Variants in MPPED2 observed in about 807,000 individuals in gnomAD.
MPPED2 encodes metallophosphoesterase MPPED2.
Under a neutral mutation model 33.0 loss-of-function variants are expected in MPPED2, and 5 were observed. The observed-to-expected ratio is 0.15, with a 90% CI of 0.08 to 0.32. The LOEUF (loss-of-function observed/expected upper bound fraction) is 0.32, where lower values mean the gene tolerates loss of function less well. MPPED2 is among the 10% of genes least tolerant of loss of function. The pLI is 1.00. For missense variants in MPPED2, 275 were observed against 372.1 expected (o/e 0.74, Z 2.15); for synonymous variants, 136 against 141.9 (o/e 0.96, Z 0.29).
At chr11:30,509,301 A>G (rs1227660865) in intron 3 of MPPED2, among the ~76,000 whole-genome samples, 1 of 152,256 alleles carries the variant, frequency 6.6e-6, no homozygotes, top group African/African-American at 2.4e-5. Flanking sequence ...TGAACTATAT[A>G]CATGACACAA....
At position 30,411,649 on chromosome 11, in the gene MPPED2, C is replaced by T. The variant is rs528557692; in HGVS notation, c.767-63G>A. 56 of 1,436,974 alleles carry T rather than the reference C, an allele frequency of 3.9e-5. No individual in the cohort carries two copies. In the East Asian group the frequency reaches 9.9e-4, roughly 25 times the overall value. 89.0% of individuals were successfully genotyped at this position (1,436,974 alleles called of 1,614,324 possible). A position where few individuals can be genotyped will look rare whatever the true frequency, so the allele number is the denominator to read the frequency against. On this transcript the variant is annotated intron_variant, in intron 6 of 6. Coordinates refer to ENST00000358117, the MANE Select transcript of MPPED2 (RefSeq NM_001584.3). ...CAAATGAGAGTGATGGAATGTAGGG[C>T]TGTCAGGCAAGGAAAACAAAAAATT...
chr11:30,582,565 CTAAT>C (rs1307357609), intron 1 of MPPED2, among the ~76,000 whole-genome samples: 1 of 152,150 alleles, frequency 6.6e-6, no homozygotes, highest in Non-Finnish European at 1.5e-5. Context: ...AGTAAACACA[CTAAT>C]TAAACCAAGC....
At chr11:30,562,216 A>C (rs1245781357) in intron 2 of MPPED2, among the ~76,000 whole-genome samples, 1 of 152,142 alleles carries the variant, frequency 6.6e-6, no homozygotes, top group Non-Finnish European at 1.5e-5. Context: ...CCAAGCAAAA[A>C]TGCAATTGCT....
chr11:30,420,368 G>C (rs757987018), intron 4 of MPPED2, among the ~76,000 whole-genome samples: 2 of 152,202 alleles, frequency 1.3e-5, no homozygotes, highest in African/African-American at 2.4e-5. Context: ...TTCCTATAGA[G>C]CCTCCAAAAA....
At chr11:30,394,528 G>T (rs1947816998) in intron 6 of MPPED2, among the ~76,000 whole-genome samples, 1 of 152,046 alleles carries the variant, frequency 6.6e-6, no homozygotes, top group South Asian at 2.1e-4. Context: ...AGCTAATAAG[G>T]TCGGAAATCT....
intron 4 of MPPED2, chr11:30,452,057 A>C (rs755721950): frequency 1.2e-5 from 12 of 985,298 alleles, no homozygotes; most frequent in Non-Finnish European, 1.4e-5. Context: ...ATGCTGCCCA[A>C]AGCCACCTCA....
intron 2 of MPPED2, among the ~76,000 whole-genome samples, chr11:30,545,213 GT>G (rs1173296224): frequency 6.6e-6 from 1 of 152,162 alleles, no homozygotes. Context: ...GAAAAGTGGG[GT>G]TGCTCCCTAC....
chr11:30,424,801 G>C (rs1336372610), intron 4 of MPPED2, among the ~76,000 whole-genome samples: 1 of 152,118 alleles, frequency 6.6e-6, no homozygotes, highest in East Asian at 1.9e-4. Context: ...CAATTCAAAA[G>C]ATGTCTTGCA....
At chr11:30,388,975 A>AAG (rs1261647507) in intron 6 of MPPED2, 9 of 1,550,952 alleles carry the variant, frequency 5.8e-6, no homozygotes, top group Non-Finnish European at 7.8e-6. Context: ...GAGAGAGAGA[A>AAG]AGAGAGAGGG....
chr11:30,398,327 C>A lies in MPPED2; in HGVS notation c.767-9371G>T, dbSNP rs528006060. Among the ~76,000 whole-genome samples the A allele has an allele frequency of 2.0e-5, 3 of 152,268 alleles. No individual in the cohort carries two copies. The South Asian group carries it at 6.2e-4, about 32-fold the overall frequency. On this transcript the variant is annotated intron_variant, in intron 6 of 6. Transcript: ENST00000448418. ...AACTTGTCCTCATTAACACACTACT[C>A]TGACCCAAACTCTACCTACCCCACT...
At chr11:30,467,975 T>C (rs1217570135) in intron 4 of MPPED2, among the ~76,000 whole-genome samples, 1 of 148,458 alleles carries the variant, frequency 6.7e-6, no homozygotes, top group Admixed American at 6.8e-5. Context: ...TCACTTGGAA[T>C]GGACCAACAA....
downstream of MPPED2, among the ~76,000 whole-genome samples, chr11:30,408,398 G>A (rs565719886): frequency 6.6e-6 from 1 of 152,258 alleles, no homozygotes; most frequent in African/African-American, 2.4e-5. Flanking sequence ...TGCAACCTCT[G>A]CCTCCTGGGT....
intron 6 of MPPED2, among the ~76,000 whole-genome samples, chr11:30,395,450 C>A (rs1947828091): frequency 6.6e-6 from 1 of 152,180 alleles, no homozygotes; most frequent in Non-Finnish European, 1.5e-5. Flanking sequence ...CTTCCTACTA[C>A]ACAATGGTTC....
At chr11:30,421,116 A>C (rs1054491427) in intron 4 of MPPED2, among the ~76,000 whole-genome samples, 41 of 152,176 alleles carry the variant, frequency 2.7e-4, no homozygotes, top group African/African-American at 8.7e-4. Context: ...CAACGAGGAG[A>C]TCTGATTTTG....
intron 4 of MPPED2, among the ~76,000 whole-genome samples, chr11:30,453,778 C>T (rs922531533): frequency 1.3e-5 from 2 of 152,200 alleles, no homozygotes; most frequent in African/African-American, 4.8e-5. Flanking sequence ...CAAATGCCCT[C>T]CTGCTATGTC....
intron 2 of MPPED2, among the ~76,000 whole-genome samples, chr11:30,569,747 C>T (rs974858258): frequency 6.6e-6 from 1 of 152,120 alleles, no homozygotes; most frequent in African/African-American, 2.4e-5. Context: ...TCTCAGAGAT[C>T]AACATAGGTC....
At chr11:30,390,791 A>G (rs1174958914) in intron 6 of MPPED2, among the ~76,000 whole-genome samples, 2 of 152,136 alleles carry the variant, frequency 1.3e-5, no homozygotes, top group African/African-American at 4.8e-5. Flanking sequence ...AAAGGTTGAG[A>G]TGGCTGCCCC....
intron 2 of MPPED2, among the ~76,000 whole-genome samples, chr11:30,538,939 G>A (rs1296116793): frequency 6.6e-6 from 1 of 152,154 alleles, no homozygotes. Context: ...AGAAGACAAG[G>A]CAGTGCAACA....
chr11:30,425,047 T>G (rs1948772250), intron 4 of MPPED2, among the ~76,000 whole-genome samples: 1 of 152,138 alleles, frequency 6.6e-6, no homozygotes, highest in Non-Finnish European at 1.5e-5. Context: ...TGTAGCTTGG[T>G]CTTTCGTTAT....
Sources: gnomAD v4.1 joint callset for allele counts (sites outside exome capture counted in the v4.1 genomes callset) on GRCh38, gnomAD v4.1.1 for gene constraint, MANE v1.5 for transcripts, NCBI Gene and HGNC (gene_info 2026-07-23, HGNC 2026-07-21) for gene names.